ALK: variants seen among roughly 807,000 people sequenced by gnomAD.
The protein encoded by ALK is ALK tyrosine kinase receptor.
A neutral mutation model predicts 163.1 loss-of-function variants in ALK; 74 were observed. The observed-to-expected ratio is 0.45, with a 90% CI of 0.38 to 0.55. The LOEUF (loss-of-function observed/expected upper bound fraction) is 0.55. ALK is among the 20% of genes least tolerant of loss of function. The pLI is 0.00. For synonymous variants in ALK, 960 were observed against 843.2 expected, an observed-to-expected ratio of 1.14 and a Z score of -2.40; for missense variants, 2,063 against 2,105.3, an observed-to-expected ratio of 0.98 and a Z score of 0.39.
chr2:29,290,576 C>T (rs1360391043), intron 9 of ALK, among the ~76,000 whole-genome samples: 2 of 152,228 alleles, frequency 1.3e-5, no homozygotes, highest in Non-Finnish European at 2.9e-5. Context: ...AAAGATGAAG[C>T]AGGGCTCTAT....
intron 3 of ALK, among the ~76,000 whole-genome samples, chr2:29,533,974 T>C (rs1023356466): frequency 6.6e-6 from 1 of 152,154 alleles, no homozygotes; most frequent in Non-Finnish European, 1.5e-5. Flanking sequence ...CAGAATGGAC[T>C]GTGCAAAAGT....
intron 1 of ALK, among the ~76,000 whole-genome samples, chr2:29,801,361 T>G (rs1664463554): frequency 6.6e-6 from 1 of 152,210 alleles, no homozygotes; most frequent in Non-Finnish European, 1.5e-5. Context: ...AGAGACAGTT[T>G]TATTAAAAAA....
At chr2:29,379,186 G>T (rs908151736) in intron 5 of ALK, among the ~76,000 whole-genome samples, 1 of 152,310 alleles carries the variant, frequency 6.6e-6, no homozygotes, top group East Asian at 1.9e-4. Flanking sequence ...TTCCCTGGGA[G>T]CCCAGGCATG....
In ALK at chr2:29,311,870, G is replaced by T. The variant is rs576886835; in HGVS notation, c.1647+6434C>A. On this transcript the variant is annotated intron_variant, in intron 8 of 28. Coordinates refer to ENST00000389048, the MANE Select transcript of ALK (RefSeq NM_004304.5). ...TATCAAGGTATGGGGTTATTGTTCT[G>T]TGTAGGTGTCTGCTGATGGGGCAGT... Among the ~76,000 whole-genome samples the T allele has an allele frequency of 2.0e-5, 3 of 152,320 alleles. No individual in the cohort carries two copies. The East Asian group carries it at 5.8e-4, about 30-fold the overall frequency.
chr2:29,852,364 C>T (rs1268457097), intron 1 of ALK, among the ~76,000 whole-genome samples: 1 of 152,148 alleles, frequency 6.6e-6, no homozygotes, highest in Non-Finnish European at 1.5e-5. Context: ...TTAACCCCTT[C>T]AGACTCAAAA....
At chr2:29,759,278 G>T (rs1415077630) in intron 1 of ALK, among the ~76,000 whole-genome samples, 2 of 152,090 alleles carry the variant, frequency 1.3e-5, no homozygotes, top group East Asian at 3.9e-4. Flanking sequence ...CAACTAAGTG[G>T]GCAAGTTAGC....
intron 3 of ALK, among the ~76,000 whole-genome samples, chr2:29,634,181 C>T (rs1676459400): frequency 6.6e-6 from 1 of 151,968 alleles, no homozygotes; most frequent in Non-Finnish European, 1.5e-5. Flanking sequence ...TCACTGCACC[C>T]TCTGCCTCCC....
chr2:29,275,402 T>C lies in ALK; in HGVS notation c.1912A>G (p.Ile638Val). 1 of 1,614,030 alleles carries C rather than the reference T, an allele frequency of 6.2e-7. No individual in the cohort carries two copies. Among genetic ancestry groups the C allele is most frequent in the Non-Finnish European group, 8.5e-7 (1 of 1,179,954 alleles). Reference sequence around the variant, plus strand: ...AGTGCTGGGGTCAGAGTGAACTCACTGGTGAGGTAGCAGTCCAGGCTGATG... The same window carrying C: ...AGTGCTGGGGTCAGAGTGAACTCACCGGTGAGGTAGCAGTCCAGGCTGATG... Reference protein sequence around the residue: ...ISISLDCYLTISGEDKILQNT... With the variant: ...ISISLDCYLTVSGEDKILQNT... The change falls in exon 10 of 29, where the codon ATT becomes GTT. Residue 638 changes from isoleucine (I) to valine (V), a missense_variant and splice_region_variant. Physicochemically the swap from Ile to Val is conservative, Grantham distance 29. Transcript: ENST00000389048.
At chr2:29,604,088 G>A (rs1675467706) in intron 3 of ALK, among the ~76,000 whole-genome samples, 1 of 151,944 alleles carries the variant, frequency 6.6e-6, no homozygotes, top group Admixed American at 6.6e-5. Flanking sequence ...AGCACAGGGT[G>A]GGCAAATTAC....
intron 3 of ALK, among the ~76,000 whole-genome samples, chr2:29,590,843 G>T (rs545605357): frequency 6.6e-6 from 1 of 151,656 alleles, no homozygotes; most frequent in Non-Finnish European, 1.5e-5. Flanking sequence ...AGGCCGAGAC[G>T]GGCGGATCAC....
At chr2:29,619,608 C>A (rs1462569009) in intron 3 of ALK, among the ~76,000 whole-genome samples, 1 of 152,162 alleles carries the variant, frequency 6.6e-6, no homozygotes, top group Non-Finnish European at 1.5e-5. Flanking sequence ...TCTGGAACAC[C>A]CTGACTTACA....
chr2:29,665,003 CTTTTTTTT>C (rs35885544), intron 3 of ALK, among the ~76,000 whole-genome samples: 3 of 133,794 alleles, frequency 2.2e-5, no homozygotes, highest in Non-Finnish European at 4.7e-5. Flanking sequence ...TTCTTTTTTT[CTTTTTTTT>C]TTTTTTTGAG....
chr2:29,713,866 G>A (rs1679175149), intron 2 of ALK, among the ~76,000 whole-genome samples: 1 of 151,400 alleles, frequency 6.6e-6, no homozygotes, highest in African/African-American at 2.4e-5. Context: ...TAAATGAAAA[G>A]TCCCTTTCTC....
chr2:29,775,149 GACT>G (rs1681137286), intron 1 of ALK, among the ~76,000 whole-genome samples: 2 of 152,290 alleles, frequency 1.3e-5, no homozygotes, highest in Admixed American at 6.5e-5. Context: ...CCCTTTGACT[GACT>G]AAAAGATAAA....
chr2:29,364,534 A>G (rs1668458546), intron 5 of ALK, among the ~76,000 whole-genome samples: 2 of 152,184 alleles, frequency 1.3e-5, no homozygotes, highest in African/African-American at 2.4e-5. Flanking sequence ...GGAGCCAACT[A>G]TCCTTCCTTA....
intron 1 of ALK, among the ~76,000 whole-genome samples, chr2:29,808,963 T>C (rs1572396278): frequency 6.6e-6 from 1 of 152,214 alleles, no homozygotes; most frequent in African/African-American, 2.4e-5. Flanking sequence ...GACACTTTGA[T>C]GAAGTAAATA....
chr2:29,833,828 A>T (rs1665486344), intron 1 of ALK, among the ~76,000 whole-genome samples: 1 of 152,180 alleles, frequency 6.6e-6, no homozygotes, highest in Admixed American at 6.5e-5. Flanking sequence ...AAAAATTACA[A>T]ACATATCTCA....
intron 1 of ALK, among the ~76,000 whole-genome samples, chr2:29,790,234 T>C (rs565918553): frequency 6.6e-6 from 1 of 152,244 alleles, no homozygotes; most frequent in East Asian, 1.9e-4. Flanking sequence ...TCTGCCGTAA[T>C]TAGACTATCT....
At chr2:29,821,472 T>A (rs554787689) in intron 1 of ALK, among the ~76,000 whole-genome samples, 2 of 152,218 alleles carry the variant, frequency 1.3e-5, no homozygotes, top group East Asian at 3.9e-4. Context: ...GCACCTGAAT[T>A]TGAGGGCCAA....
Sources: gnomAD v4.1 joint callset for allele counts (sites outside exome capture counted in the v4.1 genomes callset) on GRCh38, gnomAD v4.1.1 for gene constraint, MANE v1.5 for transcripts, NCBI Gene and HGNC (gene_info 2026-07-23, HGNC 2026-07-21) for gene names.